SPAG4: variants seen among roughly 807,000 people sequenced by gnomAD.
SPAG4 encodes sperm-associated antigen 4 protein.
A neutral mutation model predicts 53.9 loss-of-function variants in SPAG4; 54 were observed. The observed-to-expected ratio is 1.00, with a 90% CI of 0.80 to 1.26. The LOEUF is 1.26. SPAG4 is among the 50% of genes most tolerant of loss of function. The pLI is 0.00. For synonymous variants in SPAG4, 246 were observed against 237.4 expected, an observed-to-expected ratio of 1.04 and a Z score of -0.33; for missense variants, 548 against 568.6, an observed-to-expected ratio of 0.96 and a Z score of 0.37.
chr20:35,619,685 C>T lies in SPAG4; in HGVS notation c.1016C>T (p.Pro339Leu). 1 of 1,613,910 alleles carries T rather than the reference C, an allele frequency of 6.2e-7. No individual in the cohort carries two copies. The highest frequency in any genetic ancestry group is 8.5e-7 in the Non-Finnish European group (1 of 1,179,936). ...CTGAGCGACATCACTCTGCAGCATC[C>T]ACCGCCCAGCGTGGAGCACACCGGA... Reference protein sequence around the residue: ...VQLSDITLQHPPPSVEHTGGA... With the variant: ...VQLSDITLQHLPPSVEHTGGA... The change falls in exon 10 of 12, where the codon CCA becomes CTA. Residue 339 changes from proline to leucine, a missense_variant. Transcript: ENST00000374273.
intron 4 of SPAG4, 115 bp from the exon 5 acceptor site, chr20:35,617,972 C>G: frequency 7.4e-7 from 1 of 1,351,142 alleles, no homozygotes; most frequent in Non-Finnish European, 1.1e-6. Context: ...CCCCCTCAGA[C>G]TCCCACGGTC....
Position 35,618,631 on chromosome 20 carries a change from C to A in SPAG4, c.628C>A (p.Arg210Ser). ...CTCCAGTGAGTACCACGAGCGCGTG[C>A]GCTCCCAGGGGCAGCAGCTGCAGCA... is the stretch of plus-strand genomic sequence containing the variant. ...LTLSEYHERV[R>S]SQGQQLQQLQ... Residue 210 changes from arginine to serine, a missense_variant, in exon 7 of 12, where the codon CGC (arginine) becomes AGC (serine). Coordinates refer to ENST00000374273, the MANE Select transcript of SPAG4 (RefSeq NM_003116.3). 6.3e-7 allele frequency: 1 copy of A among 1,599,150 alleles called. No homozygotes were observed.
intron 9 of SPAG4, 60 bp downstream of exon 9, chr20:35,619,370 A>C: frequency 2.0e-6 from 3 of 1,500,906 alleles, no homozygotes; most frequent in South Asian, 1.1e-5. Context: ...AAGCACCAAA[A>C]CCCCGCCCTA....
chr20:35,619,660 C>T lies in SPAG4; in HGVS notation c.991C>T (p.Leu331=), dbSNP rs1241662258. 1.2e-6 allele frequency: 2 copies of T among 1,614,042 alleles called. No individual in the cohort carries two copies. Among genetic ancestry groups the T allele is most frequent in the Non-Finnish European group, 1.7e-6 (2 of 1,180,020 alleles). Reference sequence around the variant, plus strand: ...GATCCAACTGCCGGGCCGAGTGCAGCTGAGCGACATCACTCTGCAGCATCC... The same window carrying T: ...GATCCAACTGCCGGGCCGAGTGCAGTTGAGCGACATCACTCTGCAGCATCC... ...VVIQLPGRVQ[L]SDITLQHPPP... Residue 331 remains leucine (L), a synonymous_variant, in exon 10 of 12, where the codon CTG becomes TTG. Coordinates refer to ENST00000374273, the MANE Select transcript of SPAG4 (RefSeq NM_003116.3).
rs749543742 is a variant in SPAG4, at chr20:35,617,160, C to T, written c.329C>T (p.Ser110Phe). ...ASEPTGSPVV[S>F]EEPLDLLPTL... The stretch of plus-strand genomic sequence containing the variant: ...GAACCGACTGGGTCTCCAGTAGTCT[C>T]TGAGGAGCCGCTCGACCTTCTCCCG... Residue 110 changes from serine (S) to phenylalanine (F), a missense_variant, in exon 2 of 12, where the codon TCT becomes TTT. Coordinates refer to ENST00000374273, the MANE Select transcript of SPAG4 (RefSeq NM_003116.3). The T allele has an allele frequency of 6.3e-7, 1 of 1,592,282 alleles. No homozygotes were observed. Among genetic ancestry groups the T allele is most frequent in the Non-Finnish European group, 8.6e-7 (1 of 1,169,064 alleles).
Position 35,616,041 on chromosome 20 carries a change from C to A in SPAG4, c.38C>A (p.Ser13Ter), listed in dbSNP as rs754272335. 1 of 1,612,594 alleles carries A rather than the reference C, an allele frequency of 6.2e-7. No homozygotes were observed. The highest frequency in any genetic ancestry group is 8.5e-7 in the Non-Finnish European group (1 of 1,179,664). Reference sequence around the variant, plus strand: ...TCCCGCCCGGGCTCGGCCTCGTCCTCGCGCAAGCACACGCCCAACTTTTTC... The same window carrying A: ...TCCCGCCCGGGCTCGGCCTCGTCCTAGCGCAAGCACACGCCCAACTTTTTC... ...RSSRPGSASS[S>*]RKHTPNFFSE... is the part of the protein sequence containing the mutation. Residue 13 changes from serine (S) to a stop codon, truncating the protein, a stop_gained, in exon 1 of 12, where the codon TCG becomes TAG. Coordinates refer to ENST00000374273, the MANE Select transcript of SPAG4 (RefSeq NM_003116.3). LOFTEE classifies it high-confidence loss of function.
Position 35,618,068 on chromosome 20 carries a change from C to T in SPAG4, c.539-19C>T, listed in dbSNP as rs1470792494. ...TTCTCTTCCTTTTCCTTCTGAGACC[C>T]CTCCCTCTCTTTCTCCAGCATTCTG... On this transcript the variant is annotated intron_variant, in intron 4 of 11. Transcript: ENST00000374273. The T allele has an allele frequency of 1.2e-6, 2 of 1,612,412 alleles. No homozygotes were observed. Among genetic ancestry groups the T allele is most frequent in the South Asian group, 2.2e-5 (2 of 90,890 alleles).
At chr20:35,616,441 CT>C (rs2031384594) in intron 1 of SPAG4, 134 bp downstream of exon 1, 3 of 1,290,718 alleles carry the variant, frequency 2.3e-6, no homozygotes, top group Non-Finnish European at 3.0e-6. Flanking sequence ...AGGGATGGTG[CT>C]AAATGAGATC....
At position 35,615,948 on chromosome 20, in the gene SPAG4, C is replaced by A; in HGVS notation, c.-56C>A. 2 of 1,572,936 alleles carry A rather than the reference C, an allele frequency of 1.3e-6. No individual in the cohort carries two copies. Among genetic ancestry groups the A allele is most frequent in the South Asian group, 1.1e-5 (1 of 88,692 alleles). ...GCAGCGGCTGAAGGAGGCCCCAGGG[C>A]CTTGGCGACCGCAGCGGCGGCTTTA... is the stretch of plus-strand genomic sequence containing the variant. On this transcript the variant is annotated 5_prime_UTR_variant, in exon 1 of 12. Transcript: ENST00000374273.
At position 35,618,718 on chromosome 20, in the gene SPAG4, G is replaced by A; in HGVS notation, c.715G>A (p.Glu239Lys). Residue 239 changes from glutamate to lysine, a missense_variant and splice_region_variant, in exon 7 of 12, where the codon GAG (glutamate) becomes AAG (lysine). Glu to Lys is a moderately conservative substitution (Grantham distance 56). Transcript: ENST00000374273. ...GTCCACTGTTCGGGCAGCCAACAGC[G>A]AGGTGAGCCCCGGCCCACCTTGGAA... ...EVSTVRAANS[E>K]RVAKLVFQRL... The A allele has an allele frequency of 5.7e-6, 9 of 1,578,510 alleles. No individual in the cohort carries two copies. Among genetic ancestry groups the A allele is most frequent in the South Asian group, 1.1e-5 (1 of 87,668 alleles).
intron 3 of SPAG4, 84 bp from the exon 4 acceptor site, chr20:35,617,695 T>A: frequency 6.4e-7 from 1 of 1,566,228 alleles, no homozygotes; most frequent in South Asian, 1.1e-5. Context: ...TTGAGTCATG[T>A]TGGCAAGAGC....
At chr20:35,617,393 C>T (rs2031423644) in intron 2 of SPAG4, 127 bp from the exon 3 acceptor site, 1 of 1,016,474 alleles carries the variant, frequency 9.8e-7, no homozygotes, top group Non-Finnish European at 1.5e-6. Flanking sequence ...CTAGCCGACC[C>T]TCTCTTCCTG....
Position 35,621,033 on chromosome 20 carries a change from T to A in SPAG4, c.*11T>A, listed in dbSNP as rs1402498906. ...CAGGGGCCCCATTAAACATGCTGATTTTTGGAGTAGAATTGAGTTCTGCTG... is the reference window on the plus strand; with the variant it reads ...CAGGGGCCCCATTAAACATGCTGATATTTGGAGTAGAATTGAGTTCTGCTG... On this transcript the variant is annotated 3_prime_UTR_variant, in exon 12 of 12. Transcript: ENST00000374273. 1.2e-6 allele frequency: 2 copies of A among 1,612,260 alleles called. No homozygotes were observed. The highest frequency in any genetic ancestry group is 1.3e-5 in the African/African-American group (1 of 74,870).
chr20:35,617,886 G>A, intron 4 of SPAG4, 46 bp downstream of exon 4: 1 of 1,587,032 alleles, frequency 6.3e-7, no homozygotes. Context: ...GGGTGCTTTG[G>A]AGGCAAACCC....
Position 35,618,093 on chromosome 20 carries a change from G to A in SPAG4, c.545G>A (p.Trp182Ter), listed in dbSNP as rs937090720. Reference protein sequence around the residue: ...SLLSLFLSAFWLGLLYLVSPL... With the variant: ...SLLSLFLSAF Reference sequence around the variant, plus strand: ...CCTCCCTCTCTTTCTCCAGCATTCTGGCTGGGGCTTCTGTACCTGGTCTCT... The same window carrying A: ...CCTCCCTCTCTTTCTCCAGCATTCTAGCTGGGGCTTCTGTACCTGGTCTCT... Residue 182 changes from tryptophan (W) to a stop codon, truncating the protein, a stop_gained, in exon 5 of 12, where the codon TGG (tryptophan) becomes TAG (stop). Coordinates refer to ENST00000374273, the MANE Select transcript of SPAG4 (RefSeq NM_003116.3). LOFTEE classifies it high-confidence loss of function. 2 of 1,613,508 alleles carry A rather than the reference G, an allele frequency of 1.2e-6. No homozygotes were observed. Among genetic ancestry groups the A allele is most frequent in the African/African-American group, 2.7e-5 (2 of 74,838 alleles).
chr20:35,618,072 C>T lies in SPAG4; in HGVS notation c.539-15C>T. 1.9e-6 allele frequency: 3 copies of T among 1,612,974 alleles called. No individual in the cohort carries two copies. The highest frequency in any genetic ancestry group is 2.5e-6 in the Non-Finnish European group (3 of 1,179,384). On this transcript the variant is annotated splice_polypyrimidine_tract_variant and intron_variant, in intron 4 of 11. Coordinates refer to ENST00000374273, the MANE Select transcript of SPAG4 (RefSeq NM_003116.3). ...CTTCCTTTTCCTTCTGAGACCCCTC[C>T]CTCTCTTTCTCCAGCATTCTGGCTG... is the stretch of plus-strand genomic sequence containing the variant.
At position 35,617,215 on chromosome 20, in the gene SPAG4, C is replaced by T. The variant is rs1948013192; in HGVS notation, c.384C>T (p.Pro128=). The T allele has an allele frequency of 1.9e-6, 3 of 1,600,708 alleles. No individual in the cohort carries two copies. Among genetic ancestry groups the T allele is most frequent in the African/African-American group, 2.7e-5 (2 of 74,758 alleles). The part of the protein sequence containing the change: ...PTLDLRQEMP[P]PRVFKSFLSL... ...TGGATCTGAGGCAGGAGATGCCTCC[C>T]CCGCGGGTGTTCAAGAGCTTTCTGA... The change falls in exon 2 of 12, where the codon CCC becomes CCT. Residue 128 remains proline, a synonymous_variant. Coordinates refer to ENST00000374273, the MANE Select transcript of SPAG4 (RefSeq NM_003116.3).
At position 35,620,776 on chromosome 20, in the gene SPAG4, GTGTT is replaced by G; in HGVS notation, c.1167+7_1167+10del. On this transcript the variant is annotated splice_donor_5th_base_variant and intron_variant, in intron 11 of 11. Coordinates refer to ENST00000374273, the MANE Select transcript of SPAG4 (RefSeq NM_003116.3). Reference sequence around the variant, plus strand: ...AGATTCAGACTTTCCACCTGCAGGTGTGTTTGTCTCTAGGGTGAAGGTGCCAAGG... The same window carrying G: ...AGATTCAGACTTTCCACCTGCAGGTGTGTCTCTAGGGTGAAGGTGCCAAGG... The G allele has an allele frequency of 1.9e-6, 3 of 1,614,006 alleles. No individual in the cohort carries two copies. Among genetic ancestry groups the G allele is most frequent in the Non-Finnish European group, 2.5e-6 (3 of 1,179,912 alleles).
At chr20:35,617,997 C>A in intron 4 of SPAG4, 90 bp from the exon 5 acceptor site, 1 of 1,428,606 alleles carries the variant, frequency 7.0e-7, no homozygotes, top group Non-Finnish European at 9.8e-7. Context: ...CCAGGCTTAA[C>A]CCCCTCAAGC....
Sources: allele counts gnomAD v4.1 joint callset, GRCh38; gene constraint gnomAD v4.1.1; transcripts MANE v1.5; gene names NCBI Gene and HGNC (gene_info 2026-07-23, HGNC 2026-07-21).